The following ADAMTSL3 variants were observed in gnomAD, a reference collection of about 807,000 sequenced individuals.
ADAMTSL3 encodes the protein ADAMTS like 3.
Under a neutral mutation model 201.7 loss-of-function variants are expected in ADAMTSL3, and 128 were observed. The ratio of observed to expected loss-of-function variants is 0.63; its 90% CI spans 0.55 to 0.73. ADAMTSL3 has a LOEUF of 0.73. Ranked by LOEUF, ADAMTSL3 falls within the 30% of genes least tolerant of loss-of-function variation. The pLI is 0.00. For synonymous variants in ADAMTSL3, 738 were observed against 748.4 expected (o/e 0.99, Z 0.23); for missense variants, 1,990 against 2,119.6 (o/e 0.94, Z 1.20).
At chr15:83,762,328 C>T (rs2062820941) in intron 3 of ADAMTSL3, among the ~76,000 whole-genome samples, 1 of 152,148 alleles carries the variant, frequency 6.6e-6, no homozygotes, top group African/African-American at 2.4e-5. Flanking sequence ...ATATATTCTG[C>T]TTCTGTGGAC....
At chr15:83,837,029 C>A (rs940713871) in intron 6 of ADAMTSL3, among the ~76,000 whole-genome samples, 2 of 152,032 alleles carry the variant, frequency 1.3e-5, no homozygotes, top group Non-Finnish European at 2.9e-5. Flanking sequence ...TAAGACATGA[C>A]CTTTTTTCTC....
chr15:83,899,707 C>A lies in ADAMTSL3; in HGVS notation c.1676C>A (p.Thr559Asn), dbSNP rs766461906. Reference sequence around the variant, plus strand: ...AAACAAGCACAAGAACTAGAAGAGACCAGAATAGCAACAGAAGAACCAACG... The same window carrying A: ...AAACAAGCACAAGAACTAGAAGAGAACAGAATAGCAACAGAAGAACCAACG... ...WLKQAQELEE[T>N]RIATEEPTFI... Residue 559 changes from threonine to asparagine, a missense_variant, in exon 15 of 30, where the codon ACC becomes AAC. By Grantham distance (65) the Thr-to-Asn change is moderately conservative (BLOSUM62 0). Transcript: ENST00000286744. 9.3e-6 allele frequency: 15 copies of A among 1,611,586 alleles called. No homozygotes were observed. The highest frequency in any genetic ancestry group is 1.3e-5 in the Non-Finnish European group (15 of 1,178,464).
chr15:83,680,978 T>C (rs1439269602), intron 2 of ADAMTSL3, among the ~76,000 whole-genome samples: 1 of 152,238 alleles, frequency 6.6e-6, no homozygotes, highest in Non-Finnish European at 1.5e-5. Flanking sequence ...ATTACATTAT[T>C]ATTATTTTAA....
intron 27 of ADAMTSL3, among the ~76,000 whole-genome samples, chr15:84,025,996 T>C (rs369236481): frequency 2.6e-5 from 4 of 152,308 alleles, no homozygotes; most frequent in East Asian, 1.9e-4. Context: ...ATTAACATCA[T>C]AGTAGAACTT....
intron 8 of ADAMTSL3, among the ~76,000 whole-genome samples, chr15:83,863,573 A>C (rs1426849314): frequency 6.6e-6 from 1 of 152,238 alleles, no homozygotes; most frequent in Non-Finnish European, 1.5e-5. Context: ...CAATGAGAAC[A>C]AAGACACAAC....
intron 2 of ADAMTSL3, among the ~76,000 whole-genome samples, chr15:83,658,026 G>T (rs1401162036): frequency 6.6e-6 from 1 of 152,244 alleles, no homozygotes; most frequent in Admixed American, 6.5e-5. Context: ...CACCAAGGTG[G>T]TTGTTAGAAA....
At chr15:83,857,918 G>A (rs1206635769) in intron 7 of ADAMTSL3, among the ~76,000 whole-genome samples, 1 of 152,198 alleles carries the variant, frequency 6.6e-6, no homozygotes, top group Non-Finnish European at 1.5e-5. Flanking sequence ...GAGGGGACTA[G>A]TGAGATAAAA....
intron 3 of ADAMTSL3, among the ~76,000 whole-genome samples, chr15:83,765,870 TA>T (rs956711579): frequency 5.3e-5 from 8 of 151,342 alleles, no homozygotes; most frequent in East Asian, 1.9e-4. Flanking sequence ...CTTTTCCCTT[TA>T]AAAAAAAAGA....
At chr15:83,800,105 C>CTAAAAAAAAATGTTAAAAAAAAAA (rs1188027504) in intron 4 of ADAMTSL3, among the ~76,000 whole-genome samples, 2,084 of 152,120 alleles carry the variant, frequency 0.014, 52 homozygotes, top group African/African-American at 0.045. Flanking sequence ...AAATGGTCGC[C>CTAAAAAAAAATGTTAAAAAAAAAA]AGGTGGTTGG....
At chr15:83,657,466 C>T (rs776096934) in intron 2 of ADAMTSL3, among the ~76,000 whole-genome samples, 1 of 152,238 alleles carries the variant, frequency 6.6e-6, no homozygotes, top group Non-Finnish European at 1.5e-5. Context: ...CGGATCCCAG[C>T]TCTACCACTT....
intron 19 of ADAMTSL3, among the ~76,000 whole-genome samples, chr15:83,969,826 A>C (rs2067159573): frequency 1.3e-5 from 2 of 152,262 alleles, no homozygotes; most frequent in Admixed American, 1.3e-4. Context: ...CTATAGGCAC[A>C]GTTAACAATA....
chr15:83,862,879 C>A (rs1392825545), intron 8 of ADAMTSL3: 5 of 152,180 alleles, frequency 3.3e-5, no homozygotes, highest in Non-Finnish European at 7.3e-5. Context: ...AAACCCATCT[C>A]ACGTGCAGAG....
intron 17 of ADAMTSL3, among the ~76,000 whole-genome samples, chr15:83,934,668 C>G (rs1017063097): frequency 1.3e-5 from 2 of 152,006 alleles, no homozygotes; most frequent in Non-Finnish European, 2.9e-5. Context: ...CCCCATAATC[C>G]CCATGTGTCA....
At chr15:83,655,669 C>G (rs2061071646) in intron 1 of ADAMTSL3, 60 bp from the exon 2 acceptor site, 2 of 1,287,980 alleles carry the variant, frequency 1.6e-6, no homozygotes. Flanking sequence ...TCGCTTAAGT[C>G]ACGGTTTACT....
At position 83,820,018 on chromosome 15, in the gene ADAMTSL3, T is replaced by C. The variant is rs201344431; in HGVS notation, c.571T>C (p.Leu191=). ...TGGAACTCGTTGCAACACGGACTCCTTGGACATGTGTATCAGTGGCATCTG... is the reference window on the plus strand; with the variant it reads ...TGGAACTCGTTGCAACACGGACTCCCTGGACATGTGTATCAGTGGCATCTG... The part of the protein sequence containing the change: ...LDGTRCNTDS[L]DMCISGICQA... Residue 191 remains leucine, a synonymous_variant, in exon 6 of 30, where the codon TTG becomes CTG. Coordinates refer to ENST00000286744, the MANE Select transcript of ADAMTSL3 (RefSeq NM_207517.3). 1.2e-6 allele frequency: 2 copies of C among 1,614,176 alleles called. No homozygotes were observed. Among genetic ancestry groups the C allele is most frequent in the Non-Finnish European group, 1.7e-6 (2 of 1,180,016 alleles).
In ADAMTSL3 at chr15:83,913,222, G is replaced by A. The variant is rs752320454; in HGVS notation, c.1831G>A (p.Gly611Ser). 3 of 1,614,084 alleles carry A rather than the reference G, an allele frequency of 1.9e-6. No homozygotes were observed. In the South Asian group the frequency reaches 3.3e-5, roughly 18 times the overall value. ...ETELPEEECE[G>S]PKLPTERPCL... ...TGAGCTGCCCGAGGAAGAGTGTGAAGGCCCCAAGCTGCCCACCGAACGGCC... is the reference window on the plus strand; with the variant it reads ...TGAGCTGCCCGAGGAAGAGTGTGAAAGCCCCAAGCTGCCCACCGAACGGCC... The change falls in exon 16 of 30, where the codon GGC becomes AGC. Residue 611 changes from glycine (G) to serine (S), a missense_variant. Transcript: ENST00000286744.
chr15:83,758,948 G>A (rs747374338), intron 3 of ADAMTSL3, among the ~76,000 whole-genome samples: 3 of 152,230 alleles, frequency 2.0e-5, no homozygotes, highest in Non-Finnish European at 2.9e-5. Flanking sequence ...TTAGGCAGTT[G>A]TAATATTCTT....
intron 17 of ADAMTSL3, among the ~76,000 whole-genome samples, chr15:83,926,274 G>C (rs540065727): frequency 6.6e-6 from 1 of 152,280 alleles, no homozygotes; most frequent in Non-Finnish European, 1.5e-5. Context: ...CAAGGAACTG[G>C]AGAGAAAGGA....
intron 7 of ADAMTSL3, 59 bp downstream of exon 7, chr15:83,838,274 T>C: frequency 6.5e-7 from 1 of 1,538,906 alleles, no homozygotes. Context: ...AGACTGTCTA[T>C]TGCTAGAATA....
Sources: gnomAD v4.1 joint callset for allele counts (sites outside exome capture counted in the v4.1 genomes callset) on GRCh38, gnomAD v4.1.1 for gene constraint, MANE v1.5 for transcripts, NCBI Gene and HGNC (gene_info 2026-07-23, HGNC 2026-07-21) for gene names.